Variants in PIK3CB observed in about 807,000 individuals in gnomAD.
PIK3CB encodes the protein phosphatidylinositol 4,5-bisphosphate 3-kinase catalytic subunit beta isoform.
In PIK3CB, 39 loss-of-function variants were observed where a neutral mutation model predicts 136.8. The observed-to-expected ratio is 0.29, with a 90% CI of 0.22 to 0.37. The LOEUF is 0.37. PIK3CB is among the 10% of genes least tolerant of loss of function. The pLI is 1.00. For synonymous variants in PIK3CB, 428 were observed against 436.6 expected, an observed-to-expected ratio of 0.98 and a Z score of 0.25; for missense variants, 868 against 1,275.4, an observed-to-expected ratio of 0.68 and a Z score of 4.87.
At chr3:138,667,562 T>C (rs1399176812) in intron 19 of PIK3CB, among the ~76,000 whole-genome samples, 1 of 151,482 alleles carries the variant, frequency 6.6e-6, no homozygotes, top group Non-Finnish European at 1.5e-5. Flanking sequence ...TTTTATTTTA[T>C]TTATTTATTT....
intron 18 of PIK3CB, 144 bp downstream of exon 18, chr3:138,683,534 C>A: frequency 1.7e-6 from 1 of 588,556 alleles, no homozygotes; most frequent in Non-Finnish European, 3.0e-6. Flanking sequence ...AGGACATGTT[C>A]AACTTGACTT....
chr3:138,678,443 A>G (rs2043694982), intron 19 of PIK3CB, among the ~76,000 whole-genome samples: 1 of 152,170 alleles, frequency 6.6e-6, no homozygotes, highest in Admixed American at 6.5e-5. Context: ...ACCCCTATCA[A>G]TCCAATAAAA....
At chr3:138,685,420 A>AAAGAAAT in intron 16 of PIK3CB, among the ~76,000 whole-genome samples, 1 of 86,990 alleles carries the variant, frequency 1.1e-5, no homozygotes, top group South Asian at 6.3e-4. Flanking sequence ...AAAAAAAAAA[A>AAAGAAAT]AAAGAAAGAA....
intron 2 of PIK3CB, among the ~76,000 whole-genome samples, chr3:138,782,758 C>T (rs1002721437): frequency 6.6e-6 from 1 of 152,188 alleles, no homozygotes; most frequent in African/African-American, 2.4e-5. Flanking sequence ...ATGACAGAGT[C>T]ACAAGATGGA....
intron 1 of PIK3CB, among the ~76,000 whole-genome samples, chr3:138,804,478 G>A (rs2046210059): frequency 6.6e-6 from 1 of 152,108 alleles, no homozygotes; most frequent in Admixed American, 6.6e-5. Flanking sequence ...TCATGCCACT[G>A]CACTCAGCCT....
intron 1 of PIK3CB, among the ~76,000 whole-genome samples, chr3:138,828,643 A>C (rs1318708346): frequency 1.3e-5 from 2 of 152,112 alleles, no homozygotes; most frequent in Non-Finnish European, 2.9e-5. Context: ...ATGTGCCTAA[A>C]GCTACTGGGG....
chr3:138,728,471 G>T (rs1236318207), intron 8 of PIK3CB, among the ~76,000 whole-genome samples: 1 of 152,100 alleles, frequency 6.6e-6, no homozygotes, highest in African/African-American at 2.4e-5. Context: ...AGTAAGGTTG[G>T]TTTCAACTTT....
chr3:138,792,541 T>G (rs1443618200), intron 2 of PIK3CB, among the ~76,000 whole-genome samples: 4 of 152,164 alleles, frequency 2.6e-5, no homozygotes, highest in Admixed American at 6.6e-5. Context: ...GCCTGGCTAA[T>G]TACAAGTGTG....
intron 2 of PIK3CB, among the ~76,000 whole-genome samples, chr3:138,787,344 C>T (rs1050992288): frequency 7.7e-5 from 11 of 143,762 alleles, no homozygotes; most frequent in Non-Finnish European, 1.5e-4. Flanking sequence ...CCAGCCTGGG[C>T]GACAGAGCAA....
intron 1 of PIK3CB, among the ~76,000 whole-genome samples, chr3:138,805,165 T>A (rs984621484): frequency 6.6e-6 from 1 of 151,266 alleles, no homozygotes; most frequent in Non-Finnish European, 1.5e-5. Context: ...CAAAACCGTC[T>A]CTGCTTAAAA....
At chr3:138,696,781 T>C (rs1275600094) in intron 13 of PIK3CB, among the ~76,000 whole-genome samples, 1 of 152,210 alleles carries the variant, frequency 6.6e-6, no homozygotes, top group Non-Finnish European at 1.5e-5. Context: ...CCAAAGGCCC[T>C]AATGGACCAG....
At chr3:138,706,891 G>A (rs972831146) in intron 11 of PIK3CB, among the ~76,000 whole-genome samples, 4 of 152,170 alleles carry the variant, frequency 2.6e-5, no homozygotes, top group Non-Finnish European at 5.9e-5. Context: ...CCCGACCTCA[G>A]GTGATCCACC....
intron 2 of PIK3CB, among the ~76,000 whole-genome samples, chr3:138,789,195 G>A (rs1353533447): frequency 6.6e-6 from 1 of 152,146 alleles, no homozygotes; most frequent in Non-Finnish European, 1.5e-5. Context: ...ATATTGTTGA[G>A]TGCCTACTGT....
At position 138,694,872 on chromosome 3, in the gene PIK3CB, G is replaced by A. The variant is rs750569099; in HGVS notation, c.1806C>T (p.Pro602=). 3 of 1,611,056 alleles carry A rather than the reference G, an allele frequency of 1.9e-6. No individual in the cohort carries two copies. In the Admixed American group the frequency reaches 5.0e-5, roughly 27 times the overall value. ...QALLQIWPKL[P]PREALELLDF... The stretch of plus-strand genomic sequence containing the variant: ...CCAGAAGCTCTAGGGCCTCCCGGGG[G>A]GGCAGTTTAGGCCAAATCTGAAGCA... The change falls in exon 14 of 24, where the codon CCC becomes CCT. Residue 602 remains proline, a synonymous_variant. Transcript: ENST00000674063.
chr3:138,816,772 G>C (rs1238857118), intron 1 of PIK3CB, among the ~76,000 whole-genome samples: 1 of 152,082 alleles, frequency 6.6e-6, no homozygotes, highest in Non-Finnish European at 1.5e-5. Flanking sequence ...CCTCATTTGG[G>C]TGAGCAGATG....
At chr3:138,787,991 C>T (rs943065934) in intron 2 of PIK3CB, among the ~76,000 whole-genome samples, 5 of 149,762 alleles carry the variant, frequency 3.3e-5, no homozygotes, top group East Asian at 2.0e-4. Context: ...GGTATGACCT[C>T]GGTTCAGTAC....
At chr3:138,832,172 C>A (rs1934066185) in intron 1 of PIK3CB, among the ~76,000 whole-genome samples, 1 of 152,110 alleles carries the variant, frequency 6.6e-6, no homozygotes, top group Admixed American at 6.6e-5. Flanking sequence ...CTGACATTCA[C>A]AAAGCAAGTT....
Position 138,728,605 on chromosome 3 carries a change from G to A in PIK3CB, c.1050+4756C>T, listed in dbSNP as rs147320220. 7.0e-3 allele frequency among the ~76,000 whole-genome samples: 1,057 copies of A among 151,374 alleles called. 7 individuals are homozygous for A. Among genetic ancestry groups the A allele is most frequent in the Non-Finnish European group, 0.011 (758 of 67,796 alleles). On this transcript the variant is annotated intron_variant, in intron 8 of 23. Transcript: ENST00000674063. Reference sequence around the variant, plus strand: ...ATCCTGGCTAACATGGTGAAACCCCGTCTCTACTAAAAAAAATACAAAACA... The same window carrying A: ...ATCCTGGCTAACATGGTGAAACCCCATCTCTACTAAAAAAAATACAAAACA...
chr3:138,809,516 G>C (rs2046270365), intron 1 of PIK3CB, among the ~76,000 whole-genome samples: 1 of 143,996 alleles, frequency 6.9e-6, no homozygotes, highest in Non-Finnish European at 1.5e-5. Context: ...TGAGGCAGGA[G>C]AATCACTTGA....
Sources: gnomAD v4.1 joint callset for allele counts (sites outside exome capture counted in the v4.1 genomes callset) on GRCh38, gnomAD v4.1.1 for gene constraint, MANE v1.5 for transcripts, NCBI Gene and HGNC (gene_info 2026-07-23, HGNC 2026-07-21) for gene names.